Variants in RASGRP3 observed in about 807,000 individuals in gnomAD.
RASGRP3 encodes RAS guanyl releasing protein 3, also known as ras guanyl-releasing protein 3.
In RASGRP3, 54 loss-of-function variants were observed where a neutral mutation model predicts 82.7. The observed-to-expected ratio is 0.65, with a 90% CI of 0.52 to 0.82. RASGRP3 has a LOEUF of 0.82. RASGRP3 is among the 40% of genes least tolerant of loss of function. The pLI, the probability that RASGRP3 is intolerant of heterozygous loss-of-function variation, is 0.00. For missense variants in RASGRP3, 861 were observed against 828.9 expected (o/e 1.04, Z -0.48); for synonymous variants, 309 against 300.5 (o/e 1.03, Z -0.29).
intron 1 of RASGRP3, among the ~76,000 whole-genome samples, chr2:33,510,375 G>A (rs1670813822): frequency 6.6e-6 from 1 of 152,022 alleles, no homozygotes; most frequent in Admixed American, 6.6e-5. Context: ...CTGTCATTTT[G>A]GCATACTTCC....
chr2:33,505,019 G>A (rs1045623010), intron 1 of RASGRP3, among the ~76,000 whole-genome samples: 1 of 152,042 alleles, frequency 6.6e-6, no homozygotes, highest in Non-Finnish European at 1.5e-5. Context: ...AGTTATTGCT[G>A]GATTGTTTGG....
chr2:33,520,723 C>T, intron 6 of RASGRP3, 39 bp downstream of exon 6: 2 of 1,609,724 alleles, frequency 1.2e-6, no homozygotes, highest in Non-Finnish European at 8.5e-7. Context: ...CCAATAAGTC[C>T]ACCACTTAGG....
intron 2 of RASGRP3, among the ~76,000 whole-genome samples, chr2:33,451,607 G>A (rs1347183802): frequency 6.6e-6 from 1 of 151,968 alleles, no homozygotes; most frequent in Non-Finnish European, 1.5e-5. Context: ...GTTCATTTTT[G>A]TATGTAACGT....
At chr2:33,473,407 A>C (rs754144826), upstream of RASGRP3, among the ~76,000 whole-genome samples, 28 of 152,144 alleles carry the variant, frequency 1.8e-4, no homozygotes, top group Admixed American at 2.0e-4. Context: ...AAAATCAGAA[A>C]GACTGTTGTT....
At chr2:33,499,127 C>G (rs567891135) in intron 1 of RASGRP3, among the ~76,000 whole-genome samples, 1 of 152,242 alleles carries the variant, frequency 6.6e-6, no homozygotes, top group South Asian at 2.1e-4. Flanking sequence ...AACCCCCTCC[C>G]ATTTCTGACC....
intron 17 of RASGRP3, among the ~76,000 whole-genome samples, chr2:33,560,825 G>A (rs1345802638): frequency 6.6e-6 from 1 of 152,184 alleles, no homozygotes; most frequent in Non-Finnish European, 1.5e-5. Context: ...TTGGCCATGA[G>A]CTCATTACTA....
intron 12 of RASGRP3, chr2:33,539,766 C>G (rs1056395614): frequency 6.6e-6 from 1 of 152,192 alleles, no homozygotes; most frequent in Admixed American, 6.5e-5. Flanking sequence ...CTTGGGAGGC[C>G]GAGGCGGGCG....
intron 2 of RASGRP3, among the ~76,000 whole-genome samples, chr2:33,455,432 C>G (rs1033194925): frequency 6.6e-6 from 1 of 152,166 alleles, no homozygotes; most frequent in African/African-American, 2.4e-5. Flanking sequence ...TCCCAGTGAT[C>G]AGGATGGGAT....
At chr2:33,511,256 TG>T (rs1441685497) in intron 1 of RASGRP3, among the ~76,000 whole-genome samples, 1 of 152,182 alleles carries the variant, frequency 6.6e-6, no homozygotes, top group African/African-American at 2.4e-5. Context: ...AAGGCCCCAT[TG>T]GGAGACTAAA....
At position 33,563,091 on chromosome 2, in the gene RASGRP3, CT is replaced by C. The variant is rs1445448508; in HGVS notation, c.*361del. The C allele has an allele frequency of 2.6e-5, 7 of 265,534 alleles. No individual in the cohort carries two copies. The South Asian group carries it at 7.6e-4, about 29-fold the overall frequency. 16.4% of individuals were successfully genotyped at this position (265,534 alleles called of 1,614,324 possible). On this transcript the variant is annotated 3_prime_UTR_variant, in exon 18 of 18. Coordinates refer to ENST00000403687, the MANE Select transcript of RASGRP3 (RefSeq NM_001139488.2). ...ACTCAGTCTGTAAACTCAGACTTCG[CT>C]TTTTTTGTGAGACTATCCTTTCAAT... is the stretch of plus-strand genomic sequence containing the variant.
At chr2:33,516,519 T>C in intron 3 of RASGRP3, 23 bp from the exon 4 acceptor site, 1 of 1,467,984 alleles carries the variant, frequency 6.8e-7, no homozygotes, top group Non-Finnish European at 9.4e-7. Context: ...ATCTCCTCAC[T>C]TCTTGTTTTA....
intron 13 of RASGRP3, among the ~76,000 whole-genome samples, chr2:33,547,850 G>C (rs371287074): frequency 2.0e-5 from 3 of 152,136 alleles, no homozygotes; most frequent in Non-Finnish European, 4.4e-5. Flanking sequence ...GAGGAAGGAG[G>C]AGAAGCGGGG....
chr2:33,442,666 C>T (rs1665289362), intron 1 of RASGRP3, among the ~76,000 whole-genome samples: 1 of 152,200 alleles, frequency 6.6e-6, no homozygotes, highest in African/African-American at 2.4e-5. Flanking sequence ...CTGCATTCAT[C>T]AGCAGCAGGA....
At chr2:33,532,673 T>C (rs988828019) in intron 10 of RASGRP3, 2 of 152,168 alleles carry the variant, frequency 1.3e-5, no homozygotes, top group African/African-American at 4.8e-5. Flanking sequence ...TAAGCAGGAT[T>C]GTCATGATCT....
In RASGRP3 at chr2:33,524,055, A is replaced by G; in HGVS notation, c.690+3A>G. ...CAAAGTTTATCAATGTTGCAAAGGT[A>G]TGTCTGGTAATCAGACTGGGTTCTT... On this transcript the variant is annotated splice_donor_region_variant and intron_variant, in intron 8 of 17. Transcript: ENST00000403687. The G allele has an allele frequency of 6.2e-7, 1 of 1,613,282 alleles. No homozygotes were observed. Among genetic ancestry groups the G allele is most frequent in the Non-Finnish European group, 8.5e-7 (1 of 1,179,372 alleles).
chr2:33,553,639 CCT>C (rs1362591172), intron 14 of RASGRP3, among the ~76,000 whole-genome samples: 1 of 152,140 alleles, frequency 6.6e-6, no homozygotes, highest in Admixed American at 6.6e-5. Flanking sequence ...GGATCATGCC[CCT>C]CTCTCTTCCA....
intron 1 of RASGRP3, among the ~76,000 whole-genome samples, chr2:33,486,800 C>G (rs1668434438): frequency 6.6e-6 from 1 of 151,816 alleles, no homozygotes; most frequent in Non-Finnish European, 1.5e-5. Context: ...CATTCCAGGA[C>G]TAATGTGTAA....
At chr2:33,483,569 A>G (rs1193944013) in intron 1 of RASGRP3, among the ~76,000 whole-genome samples, 1 of 132,192 alleles carries the variant, frequency 7.6e-6, no homozygotes, top group African/African-American at 3.0e-5. Context: ...GCTCACTGCC[A>G]CCTCCATCTC....
intron 1 of RASGRP3, among the ~76,000 whole-genome samples, chr2:33,477,345 T>TC (rs369722915): frequency 6.6e-6 from 1 of 152,184 alleles, no homozygotes; most frequent in Non-Finnish European, 1.5e-5. Context: ...CGACTTTTTT[T>TC]CCCCCCAACA....
Sources: gnomAD v4.1 joint callset for allele counts (sites outside exome capture counted in the v4.1 genomes callset) on GRCh38, gnomAD v4.1.1 for gene constraint, MANE v1.5 for transcripts, NCBI Gene and HGNC (gene_info 2026-07-23, HGNC 2026-07-21) for gene names.